ASH2L: variants seen among roughly 807,000 people sequenced by gnomAD.
ASH2L encodes set1/Ash2 histone methyltransferase complex subunit ASH2.
In ASH2L, 30 loss-of-function variants were observed where a neutral mutation model predicts 81.1. The observed-to-expected ratio is 0.37, with a 90% confidence interval of 0.28 to 0.50. The LOEUF (loss-of-function observed/expected upper bound fraction) is 0.50. Ranked by LOEUF, ASH2L falls within the 20% of genes least tolerant of loss-of-function variation. ASH2L has a pLI of 0.95. For synonymous variants in ASH2L, 273 were observed against 279.9 expected, an observed-to-expected ratio of 0.98 and a Z score of 0.24; for missense variants, 559 against 792.1, an observed-to-expected ratio of 0.71 and a Z score of 3.53.
chr8:38,129,223 TA>T (rs1801965316), intron 12 of ASH2L, among the ~76,000 whole-genome samples: 1 of 152,190 alleles, frequency 6.6e-6, no homozygotes, highest in African/African-American at 2.4e-5. Flanking sequence ...TCAGGATACA[TA>T]AGCTAGAATT....
At chr8:38,117,386 CA>C (rs1266157120) in intron 8 of ASH2L, 1 of 909,842 alleles carries the variant, frequency 1.1e-6, no homozygotes, top group East Asian at 1.2e-4. Context: ...TATCTTTTTA[CA>C]ACATATTTTC....
intron 1 of ASH2L, 149 bp downstream of exon 1, chr8:38,105,887 C>T (rs756110134): frequency 4.1e-5 from 59 of 1,448,540 alleles, no homozygotes; most frequent in Non-Finnish European, 5.1e-5. Flanking sequence ...TGGCCCGTCC[C>T]CTCTCAAGCA....
chr8:38,130,491 T>A (rs6982797), intron 12 of ASH2L, among the ~76,000 whole-genome samples: 1,685 of 151,730 alleles, frequency 0.011, 42 homozygotes, highest in African/African-American at 0.037. Flanking sequence ...TCCATGAATT[T>A]AAAAAAAAAT....
chr8:38,133,229 C>A (rs922144104), intron 12 of ASH2L, among the ~76,000 whole-genome samples: 1 of 152,142 alleles, frequency 6.6e-6, no homozygotes, highest in Non-Finnish European at 1.5e-5. Flanking sequence ...TATTTTCTCA[C>A]GTTTCTTACT....
At chr8:38,120,618 T>TCCCCCCCC (rs33928804) in intron 9 of ASH2L, among the ~76,000 whole-genome samples, 2 of 4,582 alleles carry the variant, frequency 4.4e-4, no homozygotes, top group Non-Finnish European at 3.5e-3. Flanking sequence ...TCTCCTCCCT[T>TCCCCCCCC]CCCCCCCCCC....
At chr8:38,114,435 T>G (rs557442622) in intron 6 of ASH2L, 148 bp downstream of exon 6, 175 of 603,990 alleles carry the variant, frequency 2.9e-4, no homozygotes, top group African/African-American at 2.8e-3. Context: ...ATTGTGAATT[T>G]TAGTAGTTTT....
chr8:38,118,661 A>C (rs528268563), intron 8 of ASH2L, among the ~76,000 whole-genome samples: 1 of 152,202 alleles, frequency 6.6e-6, no homozygotes, highest in Non-Finnish European at 1.5e-5. Flanking sequence ...GTCATGTGCA[A>C]CCACGATGGA....
chr8:38,105,828 T>A, intron 1 of ASH2L, 90 bp downstream of exon 1: 1 of 1,452,302 alleles, frequency 6.9e-7, no homozygotes, highest in Non-Finnish European at 9.1e-7. Context: ...GCCCGCCCCC[T>A]GCGAACCCAG....
chr8:38,109,207 T>G (rs1431365653), intron 3 of ASH2L, among the ~76,000 whole-genome samples: 1 of 152,230 alleles, frequency 6.6e-6, no homozygotes, highest in African/African-American at 2.4e-5. Context: ...TAAATTAAAA[T>G]AACTATTTAC....
intron 3 of ASH2L, 60 bp from the exon 4 acceptor site, chr8:38,110,319 A>C: frequency 7.5e-7 from 1 of 1,333,984 alleles, no homozygotes; most frequent in Non-Finnish European, 1.1e-6. Context: ...CTTTAAAAAA[A>C]GAAAAAGAAG....
chr8:38,122,731 A>G (rs1252482262), intron 10 of ASH2L, among the ~76,000 whole-genome samples: 1 of 151,848 alleles, frequency 6.6e-6, no homozygotes, highest in Admixed American at 6.6e-5. Context: ...ATTATCTACA[A>G]TATATTTACT....
chr8:38,138,750 C>CAA (rs1273584972), intron 14 of ASH2L, 66 bp from the exon 15 acceptor site: 3 of 1,432,822 alleles, frequency 2.1e-6, no homozygotes, highest in Non-Finnish European at 2.9e-6. Context: ...TTTCCTGTGT[C>CAA]AAATTAACTT....
At chr8:38,112,455 G>T (rs1438748359) in intron 5 of ASH2L, among the ~76,000 whole-genome samples, 2 of 151,796 alleles carry the variant, frequency 1.3e-5, no homozygotes, top group Non-Finnish European at 2.9e-5. Context: ...ATAGGGACAG[G>T]TCTCACTATG....
intron 8 of ASH2L, 152 bp from the exon 9 acceptor site, chr8:38,119,118 A>C: frequency 1.5e-6 from 1 of 676,894 alleles, no homozygotes; most frequent in Non-Finnish European, 2.5e-6. Flanking sequence ...GATTCTTTGA[A>C]AACTAGGGTG....
chr8:38,136,953 G>A (rs927871073), intron 14 of ASH2L, among the ~76,000 whole-genome samples: 2 of 151,664 alleles, frequency 1.3e-5, no homozygotes, highest in Non-Finnish European at 2.9e-5. Flanking sequence ...TTAGCCAGAT[G>A]TGATGGCCAC....
intron 10 of ASH2L, chr8:38,124,310 A>T (rs145905763): frequency 6.8e-6 from 1 of 147,242 alleles, no homozygotes; most frequent in Non-Finnish European, 1.5e-5. Flanking sequence ...GGCTCAAGCA[A>T]TCTTCCCATC....
intron 3 of ASH2L, among the ~76,000 whole-genome samples, chr8:38,109,495 T>G (rs1810591849): frequency 6.6e-6 from 1 of 152,258 alleles, no homozygotes; most frequent in South Asian, 2.1e-4. Flanking sequence ...CTTCTGTTAC[T>G]TTGCCCTTTG....
intron 10 of ASH2L, among the ~76,000 whole-genome samples, chr8:38,126,766 A>G (rs966778402): frequency 8.0e-5 from 12 of 150,266 alleles, no homozygotes; most frequent in African/African-American, 2.9e-4. Context: ...AGGCAGGAGA[A>G]TGGCGTGAAC....
chr8:38,111,731 T>C (rs1441485455), intron 5 of ASH2L, among the ~76,000 whole-genome samples: 1 of 152,190 alleles, frequency 6.6e-6, no homozygotes, highest in Non-Finnish European at 1.5e-5. Flanking sequence ...ACATTTGTTT[T>C]ATGTCCCCAT....
Sources: gnomAD v4.1 joint callset for allele counts (sites outside exome capture counted in the v4.1 genomes callset) on GRCh38, gnomAD v4.1.1 for gene constraint, MANE v1.5 for transcripts, NCBI Gene and HGNC (gene_info 2026-07-23, HGNC 2026-07-21) for gene names.